PCDHA3: variants seen among roughly 807,000 people sequenced by gnomAD.
PCDHA3 encodes protocadherin alpha 3.
Under a neutral mutation model 62.2 loss-of-function variants are expected in PCDHA3, and 41 were observed. The ratio of observed to expected loss-of-function variants is 0.66; its 90% confidence interval spans 0.51 to 0.86. The LOEUF (loss-of-function observed/expected upper bound fraction) is 0.86, where lower values mean the gene tolerates loss of function less well. PCDHA3 is among the 40% of genes least tolerant of loss of function. The pLI is 0.00. For missense variants in PCDHA3, 1,304 were observed against 1,241.2 expected (o/e 1.05, Z -0.76); for synonymous variants, 640 against 555.4 (o/e 1.15, Z -2.14).
chr5:140,964,964 C>A (rs1035701368), intron 1 of PCDHA3, among the ~76,000 whole-genome samples: 1 of 152,094 alleles, frequency 6.6e-6, no homozygotes, highest in Non-Finnish European at 1.5e-5. Flanking sequence ...GTTGGTGGAA[C>A]GAAGGGATGT....
At chr5:140,805,296 G>T in intron 1 of PCDHA3, 1 of 1,267,312 alleles carries the variant, frequency 7.9e-7, no homozygotes, top group South Asian at 2.6e-5. Context: ...GGTGAAAATG[G>T]AATTCTTCCT....
At chr5:140,838,290 T>TC (rs1775657451) in intron 1 of PCDHA3, among the ~76,000 whole-genome samples, 2 of 150,172 alleles carry the variant, frequency 1.3e-5, no homozygotes, top group Non-Finnish European at 3.0e-5. Flanking sequence ...ATTTTTTTTT[T>TC]TTTTTGTATT....
chr5:140,888,611 G>T (rs1554183538), intron 1 of PCDHA3, among the ~76,000 whole-genome samples: 1 of 152,144 alleles, frequency 6.6e-6, no homozygotes, highest in Non-Finnish European at 1.5e-5. Context: ...TTTTAGTGTA[G>T]CACTAATTCG....
At chr5:140,869,924 A>G (rs2051503420) in intron 1 of PCDHA3, 3 of 1,611,514 alleles carry the variant, frequency 1.9e-6, no homozygotes, top group African/African-American at 1.3e-5. Flanking sequence ...GAAGGAGTCA[A>G]TGGAGAGGTA....
At chr5:140,904,447 C>T (rs2071139964) in intron 1 of PCDHA3, among the ~76,000 whole-genome samples, 1 of 151,118 alleles carries the variant, frequency 6.6e-6, no homozygotes, top group Non-Finnish European at 1.5e-5. Flanking sequence ...ATTACAATTT[C>T]TTTATACACT....
intron 1 of PCDHA3, chr5:140,812,673 G>C (rs1219098987): frequency 6.6e-6 from 1 of 152,072 alleles, no homozygotes. Context: ...ATGTACAGAG[G>C]CACGATCATA....
intron 1 of PCDHA3, chr5:140,882,822 G>C: frequency 6.2e-7 from 1 of 1,614,198 alleles, no homozygotes; most frequent in South Asian, 1.1e-5. Context: ...GCACAAAACA[G>C]TCTTGAGCAA....
At chr5:140,829,606 G>A (rs2150171112) in intron 1 of PCDHA3, 1 of 1,612,068 alleles carries the variant, frequency 6.2e-7, no homozygotes. Flanking sequence ...GCGCGTTGTC[G>A]AGCTACATTT....
At chr5:141,005,422 A>G (rs1383654342) in intron 3 of PCDHA3, among the ~76,000 whole-genome samples, 3 of 152,132 alleles carry the variant, frequency 2.0e-5, no homozygotes, top group African/African-American at 7.2e-5. Flanking sequence ...AGTCATGCTA[A>G]GAATGGATGA....
intron 1 of PCDHA3, among the ~76,000 whole-genome samples, chr5:140,963,141 A>T (rs2095739692): frequency 6.6e-6 from 1 of 152,148 alleles, no homozygotes; most frequent in Non-Finnish European, 1.5e-5. Flanking sequence ...AATTATTTGG[A>T]TGAATTTAAA....
Position 140,907,311 on chromosome 5 carries a change from T to C in PCDHA3, c.2395-71638T>C, listed in dbSNP as rs534638330. Among the ~76,000 whole-genome samples the C allele has an allele frequency of 5.9e-5, 9 of 152,292 alleles. No individual in the cohort carries two copies. The East Asian group carries it at 1.7e-3, about 29-fold the overall frequency. On this transcript the variant is annotated intron_variant, in intron 1 of 3. Coordinates refer to ENST00000522353, the MANE Select transcript of PCDHA3 (RefSeq NM_018906.3). Reference sequence around the variant, plus strand: ...AGCTGCTTCAGGATGATGGGGAACATGTAAAGACCAGTGAATTCCATATGC... The same window carrying C: ...AGCTGCTTCAGGATGATGGGGAACACGTAAAGACCAGTGAATTCCATATGC...
chr5:140,916,229 A>G (rs2077489205), intron 1 of PCDHA3, among the ~76,000 whole-genome samples: 2 of 152,190 alleles, frequency 1.3e-5, no homozygotes, highest in African/African-American at 4.8e-5. Flanking sequence ...TATGCTTTCC[A>G]GGAGCCAAAG....
intron 1 of PCDHA3, chr5:140,808,297 C>T (rs1764140605): frequency 1.2e-6 from 2 of 1,614,254 alleles, no homozygotes; most frequent in Non-Finnish European, 8.5e-7. Flanking sequence ...CAGTCATCGC[C>T]CTGATCAGCG....
rs149795080 is a variant in PCDHA3 at position 140,995,000 on chromosome 5, T to C, written c.2542+12437T>C. Among the ~76,000 whole-genome samples the C allele has an allele frequency of 1.7e-3, 261 of 152,326 alleles. 1 individual carries two copies. The highest frequency in any genetic ancestry group is 6.1e-3 in the African/African-American group (253 of 41,578). ...GAGACCCACTAGAAGGTTAGTTGGTTTGTTTATATTTAGGAAAGAAGATTC... is the reference window on the plus strand; with the variant it reads ...GAGACCCACTAGAAGGTTAGTTGGTCTGTTTATATTTAGGAAAGAAGATTC... On this transcript the variant is annotated intron_variant, in intron 3 of 3. Transcript: ENST00000522353.
intron 1 of PCDHA3, chr5:140,829,598 G>T (rs2150170888): frequency 3.7e-6 from 6 of 1,611,956 alleles, no homozygotes; most frequent in East Asian, 2.2e-5. Context: ...GGGCGAGCGC[G>T]CGTTGTCGAG....
intron 1 of PCDHA3, among the ~76,000 whole-genome samples, chr5:140,840,697 A>G (rs2150308964): frequency 0.01 from 1,558 of 152,188 alleles, 49 homozygotes; most frequent in African/African-American, 0.036. Context: ...AAAACGGTTC[A>G]GGCAATTTGA....
chr5:140,857,980 G>A (rs2045073152), intron 1 of PCDHA3: 1 of 1,597,100 alleles, frequency 6.3e-7, no homozygotes, highest in Non-Finnish European at 8.6e-7. Context: ...CGCCACGCCA[G>A]CGCCTACTGG....
At chr5:140,858,233 G>A in intron 1 of PCDHA3, 2 of 1,596,216 alleles carry the variant, frequency 1.3e-6, no homozygotes, top group Non-Finnish European at 1.7e-6. Flanking sequence ...CACCGAGGGC[G>A]CATGTGGGCC....
chr5:140,967,831 C>T (rs2153762943), intron 1 of PCDHA3: 1 of 1,614,130 alleles, frequency 6.2e-7, no homozygotes, highest in Admixed American at 1.7e-5. Flanking sequence ...TGGTGGACAT[C>T]GTGGACGTGA....
Sources: allele counts gnomAD v4.1 joint callset (sites outside exome capture counted in the v4.1 genomes callset), GRCh38; gene constraint gnomAD v4.1.1; transcripts MANE v1.5; gene names NCBI Gene and HGNC (gene_info 2026-07-23, HGNC 2026-07-21).